The following SORL1 variants were observed in gnomAD, a reference collection of about 807,000 sequenced individuals.
SORL1 encodes the protein sortilin-related receptor.
SORL1 carries 127 observed loss-of-function variants against 273.7 expected under a neutral mutation model. That is an observed-to-expected ratio of 0.46 (90% confidence interval 0.40 to 0.54). The LOEUF (loss-of-function observed/expected upper bound fraction) is 0.54. Among genes scored for constraint, SORL1 ranks in the 20% least tolerant of loss-of-function variants. The pLI is 0.00. For missense variants in SORL1, 2,494 were observed against 2,846.1 expected (o/e 0.88, Z 2.81); for synonymous variants, 1,031 against 1,067.4 (o/e 0.97, Z 0.66).
At chr11:121,611,204 G>A (rs377492907) in intron 39 of SORL1, 46 bp downstream of exon 39, 21 of 1,288,838 alleles carry the variant, frequency 1.6e-5, no homozygotes, top group Non-Finnish European at 2.1e-5. Flanking sequence ...GCTTTATTTT[G>A]TATGGGAACT....
intron 26 of SORL1, among the ~76,000 whole-genome samples, chr11:121,584,597 C>CT (rs61438769): frequency 0.017 from 2,464 of 144,918 alleles, 36 homozygotes; most frequent in African/African-American, 0.03. Flanking sequence ...AAGTGATTTT[C>CT]TTTTTTTTTT....
intron 11 of SORL1, among the ~76,000 whole-genome samples, chr11:121,529,589 T>C (rs1365682221): frequency 1.3e-5 from 2 of 152,096 alleles, no homozygotes; most frequent in Admixed American, 6.5e-5. Context: ...TGTTTTTTTT[T>C]TCTCTTTTTT....
intron 5 of SORL1, among the ~76,000 whole-genome samples, chr11:121,494,575 A>T (rs998363995): frequency 1.3e-5 from 2 of 152,222 alleles, no homozygotes; most frequent in African/African-American, 2.4e-5. Flanking sequence ...GAATTTCTCA[A>T]TGAGGACAAA....
intron 25 of SORL1, among the ~76,000 whole-genome samples, chr11:121,577,764 G>C (rs1166915568): frequency 6.6e-6 from 1 of 152,216 alleles, no homozygotes; most frequent in Non-Finnish European, 1.5e-5. Context: ...TGGAGCATCA[G>C]GGGGTTCCCC....
intron 21 of SORL1, among the ~76,000 whole-genome samples, chr11:121,561,692 A>AG (rs1363876324): frequency 6.7e-6 from 1 of 149,396 alleles, no homozygotes; most frequent in East Asian, 2.0e-4. Flanking sequence ...CTGTCACCGA[A>AG]AAAAAAAAAA....
chr11:121,567,169 C>T (rs1862767269), intron 22 of SORL1, 56 bp downstream of exon 22: 8 of 1,469,254 alleles, frequency 5.4e-6, no homozygotes, highest in South Asian at 4.9e-5. Flanking sequence ...TCCTGCTCCC[C>T]GCCAGGGGAG....
At chr11:121,495,808 T>C (rs977567947) in intron 5 of SORL1, among the ~76,000 whole-genome samples, 27 of 152,264 alleles carry the variant, frequency 1.8e-4, no homozygotes, top group Admixed American at 1.6e-3. Context: ...TGGATTAGCT[T>C]CTTGAATTGC....
intron 40 of SORL1, chr11:121,614,249 A>C (rs1863608966): frequency 6.6e-6 from 1 of 152,220 alleles, no homozygotes; most frequent in South Asian, 2.1e-4. Flanking sequence ...TACATTTCAG[A>C]TATCTTCTAA....
intron 3 of SORL1, among the ~76,000 whole-genome samples, chr11:121,487,821 C>T (rs143356154): frequency 1.2e-3 from 187 of 152,344 alleles, no homozygotes; most frequent in Admixed American, 2.7e-3. Flanking sequence ...GGCCTCCTTT[C>T]GCTGAGCCTT....
chr11:121,508,354 C>G (rs1861819575), intron 6 of SORL1, among the ~76,000 whole-genome samples: 1 of 152,240 alleles, frequency 6.6e-6, no homozygotes, highest in Admixed American at 6.5e-5. Flanking sequence ...AGGGCATCTT[C>G]TTCCCCATTT....
At chr11:121,517,134 A>G (rs188377987) in intron 8 of SORL1, among the ~76,000 whole-genome samples, 31 of 152,336 alleles carry the variant, frequency 2.0e-4, no homozygotes, top group African/African-American at 6.0e-4. Context: ...GTGGCATTCA[A>G]TACATTTACA....
At position 121,476,874 on chromosome 11, in the gene SORL1, C is replaced by T. The variant is rs142127496; in HGVS notation, c.403-1244C>T. Among the ~76,000 whole-genome samples the T allele has an allele frequency of 9.9e-3, 1,502 of 151,422 alleles. 13 individuals carry two copies. Among genetic ancestry groups the T allele is most frequent in the Non-Finnish European group, 0.016 (1,116 of 67,834 alleles). On this transcript the variant is annotated intron_variant, in intron 2 of 47. Transcript: ENST00000260197. ...TGGTGTGATCATGGCTCACTGCAGC[C>T]GGAAACTCCTGGGCTTAAGTGATCT...
At position 121,545,434 on chromosome 11, in the gene SORL1, G is replaced by C; in HGVS notation, c.2051+5G>C. 6.2e-7 allele frequency: 1 copy of C among 1,613,738 alleles called. No homozygotes were observed. Among genetic ancestry groups the C allele is most frequent in the Non-Finnish European group, 8.5e-7 (1 of 1,179,762 alleles). On this transcript the variant is annotated splice_donor_5th_base_variant and intron_variant, in intron 14 of 47. Coordinates refer to ENST00000260197, the MANE Select transcript of SORL1 (RefSeq NM_003105.6). ...CACCCGGGAGGACTATGAGTGGTCA[G>C]TTCTTCTTTGATGGCTGGGGACTGA...
At chr11:121,502,124 CTTTTTTTTTTTT>C (rs57842880) in intron 6 of SORL1, among the ~76,000 whole-genome samples, 19,417 of 65,250 alleles carry the variant, frequency 0.3, 1,998 homozygotes, top group African/African-American at 0.41. Flanking sequence ...TGTGACAATT[CTTTTTTTTTTTT>C]TTTTTTTTTT....
Position 121,629,542 on chromosome 11 carries a change from C to T in SORL1, c.6624C>T (p.Asp2208=), listed in dbSNP as rs773794426. The T allele has an allele frequency of 8.9e-6, 14 of 1,572,588 alleles. No individual in the cohort carries two copies. Among genetic ancestry groups the T allele is most frequent in the Middle Eastern group, 1.7e-4 (1 of 5,998 alleles). Residue 2208 remains aspartate, a synonymous_variant, in exon 48 of 48, where the codon GAC becomes GAT. Transcript: ENST00000260197. Reference sequence around the variant, plus strand: ...CTATGATAACTGGATTTTCAGATGACGTCCCCATGGTGATAGCCTGAAAGA... The same window carrying T: ...CTATGATAACTGGATTTTCAGATGATGTCCCCATGGTGATAGCCTGAAAGA... ...DAPMITGFSD[D]VPMVIA
chr11:121,477,112 T>G (rs946206479), intron 2 of SORL1, among the ~76,000 whole-genome samples: 2 of 152,152 alleles, frequency 1.3e-5, no homozygotes, highest in Non-Finnish European at 2.9e-5. Context: ...TTAATGCTCA[T>G]CCTAATCCCC....
At chr11:121,515,145 A>T (rs996491580) in intron 8 of SORL1, among the ~76,000 whole-genome samples, 2 of 152,244 alleles carry the variant, frequency 1.3e-5, no homozygotes, top group Admixed American at 1.3e-4. Flanking sequence ...ATTCACAGGT[A>T]TGCTGCTGCT....
chr11:121,618,720 A>G, intron 41 of SORL1, 54 bp from the exon 42 acceptor site: 3 of 1,609,856 alleles, frequency 1.9e-6, no homozygotes, highest in East Asian at 2.2e-5. Flanking sequence ...TTTCAAGGAA[A>G]TGAGATCATC....
At chr11:121,570,410 AC>A (rs1265212846) in intron 23 of SORL1, 140 bp downstream of exon 23, 2 of 542,096 alleles carry the variant, frequency 3.7e-6, no homozygotes, top group African/African-American at 1.9e-5. Context: ...GGCTTAGATG[AC>A]AGAGAAAACA....
Sources: allele counts gnomAD v4.1 joint callset (sites outside exome capture counted in the v4.1 genomes callset), GRCh38; gene constraint gnomAD v4.1.1; transcripts MANE v1.5; gene names NCBI Gene and HGNC (gene_info 2026-07-23, HGNC 2026-07-21).